Variants in NAALADL2 observed in about 807,000 individuals in gnomAD.
NAALADL2 encodes inactive N-acetylated-alpha-linked acidic dipeptidase-like protein 2.
In NAALADL2, 76 loss-of-function variants were observed where a neutral mutation model predicts 87.2. The observed-to-expected ratio is 0.87, with a 90% CI of 0.72 to 1.05. The LOEUF is 1.05. Among genes scored for constraint, NAALADL2 ranks in the 50% least tolerant of loss-of-function variants. NAALADL2 has a pLI of 0.00. For synonymous variants in NAALADL2, 354 were observed against 331.0 expected (o/e 1.07, Z -0.75); for missense variants, 1,089 against 945.8 (o/e 1.15, Z -1.99).
At chr3:175,784,497 GTT>G (rs1751622595) in intron 13 of NAALADL2, among the ~76,000 whole-genome samples, 1 of 136,132 alleles carries the variant, frequency 7.3e-6, no homozygotes, top group Non-Finnish European at 1.5e-5. Context: ...GCATAGAGGT[GTT>G]TGTAGTATTC....
chr3:175,106,379 T>C (rs1321103192), intron 2 of NAALADL2, among the ~76,000 whole-genome samples: 1 of 152,084 alleles, frequency 6.6e-6, no homozygotes, highest in African/African-American at 2.4e-5. Flanking sequence ...TCATCTGTGA[T>C]ACTGGCTGCC....
chr3:174,567,419 A>G (rs939533904), intron 2 of NAALADL2, among the ~76,000 whole-genome samples: 14 of 151,484 alleles, frequency 9.2e-5, no homozygotes, highest in Non-Finnish European at 1.8e-4. Flanking sequence ...ATTTTTTTCA[A>G]TTATATCTAA....
At chr3:175,628,464 C>T (rs1727301267) in intron 11 of NAALADL2, among the ~76,000 whole-genome samples, 1 of 151,088 alleles carries the variant, frequency 6.6e-6, no homozygotes, top group Non-Finnish European at 1.5e-5. Context: ...CAGTATGGAG[C>T]AAATAAATTT....
intron 1 of NAALADL2, among the ~76,000 whole-genome samples, chr3:174,937,977 A>G (rs1383596697): frequency 6.6e-6 from 1 of 152,034 alleles, no homozygotes; most frequent in East Asian, 1.9e-4. Context: ...GGTAATCTTT[A>G]TGGTAATGTA....
intron 2 of NAALADL2, among the ~76,000 whole-genome samples, chr3:174,631,594 T>C (rs1442327580): frequency 1.3e-5 from 2 of 152,310 alleles, no homozygotes; most frequent in East Asian, 1.9e-4. Flanking sequence ...TGCTTGATTT[T>C]ATTTTCCAAA....
chr3:174,598,149 T>A (rs1444459990), intron 2 of NAALADL2, among the ~76,000 whole-genome samples: 1 of 152,188 alleles, frequency 6.6e-6, no homozygotes, highest in Non-Finnish European at 1.5e-5. Context: ...TCTGAAAAAG[T>A]TACTTACCTA....
At chr3:175,193,047 AT>A (rs1179143100) in intron 2 of NAALADL2, among the ~76,000 whole-genome samples, 3 of 152,104 alleles carry the variant, frequency 2.0e-5, no homozygotes, top group Admixed American at 6.5e-5. Flanking sequence ...TGATAAAAGA[AT>A]ACTACTCAGA....
At chr3:175,195,978 G>A (rs916370416) in intron 2 of NAALADL2, among the ~76,000 whole-genome samples, 5 of 151,892 alleles carry the variant, frequency 3.3e-5, no homozygotes, top group African/African-American at 1.2e-4. Context: ...TTGGGGGCAA[G>A]TAGATTATTT....
intron 2 of NAALADL2, among the ~76,000 whole-genome samples, chr3:174,733,520 A>G (rs1732904190): frequency 6.6e-6 from 1 of 152,220 alleles, no homozygotes; most frequent in Middle Eastern, 3.2e-3. Context: ...AAAGGTTAGG[A>G]AAAGAGCCCC....
At chr3:174,779,315 T>C (rs1469714565) in intron 3 of NAALADL2, among the ~76,000 whole-genome samples, 1 of 141,160 alleles carries the variant, frequency 7.1e-6, no homozygotes, top group African/African-American at 2.6e-5. Context: ...TGTCCACTTT[T>C]GATGGGGTTG....
chr3:175,771,820 G>A (rs1345590793), intron 13 of NAALADL2, among the ~76,000 whole-genome samples: 1 of 152,134 alleles, frequency 6.6e-6, no homozygotes, highest in Non-Finnish European at 1.5e-5. Context: ...TATTTATAAA[G>A]GAAAGAGGTT....
At chr3:174,751,880 G>C (rs1005667369) in intron 3 of NAALADL2, among the ~76,000 whole-genome samples, 15 of 152,076 alleles carry the variant, frequency 9.9e-5, no homozygotes, top group African/African-American at 3.4e-4. Flanking sequence ...GTGTGTGCGC[G>C]TGCGCAATTT....
chr3:174,595,872 T>C (rs1717847057), intron 2 of NAALADL2, among the ~76,000 whole-genome samples: 1 of 151,894 alleles, frequency 6.6e-6, no homozygotes, highest in African/African-American at 2.4e-5. Context: ...ATTAGCTGGG[T>C]GTGGTGGCGC....
intron 9 of NAALADL2, among the ~76,000 whole-genome samples, chr3:175,522,610 T>C (rs953522444): frequency 1.3e-5 from 2 of 152,240 alleles, no homozygotes; most frequent in African/African-American, 4.8e-5. Context: ...TGAAAGTTGC[T>C]AGTCATGTAA....
At chr3:175,017,452 G>A (rs1750990010) in intron 1 of NAALADL2, among the ~76,000 whole-genome samples, 1 of 152,090 alleles carries the variant, frequency 6.6e-6, no homozygotes, top group African/African-American at 2.4e-5. Context: ...CCATTTGGAT[G>A]TCAGTATAAA....
intron 5 of NAALADL2, among the ~76,000 whole-genome samples, chr3:175,421,001 TTATAA>T (rs1035136610): frequency 7.2e-5 from 11 of 152,198 alleles, no homozygotes; most frequent in Middle Eastern, 3.4e-3. Context: ...TAATTAGAAG[TTATAA>T]TATATTTCTG....
intron 2 of NAALADL2, among the ~76,000 whole-genome samples, chr3:174,592,148 G>A (rs2108588235): frequency 6.6e-6 from 1 of 151,964 alleles, no homozygotes; most frequent in Admixed American, 6.5e-5. Context: ...GAAGAAAGAT[G>A]GCCTAGTATT....
In NAALADL2 at chr3:174,477,519, TG is replaced by T. The variant is rs1026947375; in HGVS notation, c.-184+36490del. Among the ~76,000 whole-genome samples, 18 of 152,148 alleles carry T rather than the reference TG, an allele frequency of 1.2e-4. 1 individual carries two copies. The highest frequency in any genetic ancestry group is 1.1e-3 in the Admixed American group (17 of 15,264). On this transcript the variant is annotated intron_variant, in intron 1 of 3. Coordinates refer to the NAALADL2 transcript ENST00000434257. Reference sequence around the variant, plus strand: ...AACTTAGAATCACAAAACATCATGTTGGGTGAAAGTAAGGGGCAGTGATTTG... The same window carrying T: ...AACTTAGAATCACAAAACATCATGTTGGTGAAAGTAAGGGGCAGTGATTTG...
At position 175,484,345 on chromosome 3, in the gene NAALADL2, G is replaced by A. The variant is rs145072969; in HGVS notation, c.1653+12587G>A. 1.7e-3 allele frequency among the ~76,000 whole-genome samples: 257 copies of A among 152,026 alleles called. 3 individuals are homozygous for A. Among genetic ancestry groups the A allele is most frequent in the African/African-American group, 5.8e-3 (239 of 41,478 alleles). ...TCTCTTAAAAGAAATAATTATTTGC[G>A]AATGCTATGTAAGTAACATAAATCA... On this transcript the variant is annotated intron_variant, in intron 9 of 13. Transcript: ENST00000454872.
Sources: allele counts gnomAD v4.1 joint callset (sites outside exome capture counted in the v4.1 genomes callset), GRCh38; gene constraint gnomAD v4.1.1; transcripts MANE v1.5; gene names NCBI Gene and HGNC (gene_info 2026-07-23, HGNC 2026-07-21).